CMIP: variants seen among roughly 807,000 people sequenced by gnomAD.
CMIP encodes c-Maf inducing protein.
A neutral mutation model predicts 97.3 loss-of-function variants in CMIP; 13 were observed. The ratio of observed to expected loss-of-function variants is 0.13; its 90% CI spans 0.09 to 0.21. The LOEUF (loss-of-function observed/expected upper bound fraction) is 0.21, where lower values mean the gene tolerates loss of function less well. Ranked by LOEUF, CMIP falls within the 10% of genes least tolerant of loss-of-function variation. CMIP has a pLI of 1.00. For missense variants in CMIP, 847 were observed against 1,024.9 expected (o/e 0.83, Z 2.37); for synonymous variants, 538 against 436.3 (o/e 1.23, Z -2.91).
chr16:81,640,348 T>C (rs1438786461), intron 3 of CMIP, among the ~76,000 whole-genome samples: 1 of 143,584 alleles, frequency 7.0e-6, no homozygotes, highest in Non-Finnish European at 1.5e-5. Context: ...CAGCTCCCAC[T>C]TTCTCAACCA....
In CMIP at chr16:81,685,232, C is replaced by G. The variant is rs35895536; in HGVS notation, c.1389-6543C>G. On this transcript the variant is annotated intron_variant, in intron 10 of 20. Transcript: ENST00000537098. Reference sequence around the variant, plus strand: ...CTCCCTCCTTCCCATGCACCCCTCTCGGTCTTGTGGGAGCTGCCAGGAAGC... The same window carrying G: ...CTCCCTCCTTCCCATGCACCCCTCTGGGTCTTGTGGGAGCTGCCAGGAAGC... Among the ~76,000 whole-genome samples the G allele has an allele frequency of 1.2e-3, 178 of 152,324 alleles. 1 individual carries two copies. The highest frequency in any genetic ancestry group is 2.0e-3 in the Non-Finnish European group (139 of 68,032).
chr16:81,702,426 T>C (rs1288931814), intron 16 of CMIP, among the ~76,000 whole-genome samples, 196 bp from the exon 17 acceptor site: 1 of 152,082 alleles, frequency 6.6e-6, no homozygotes, highest in Non-Finnish European at 1.5e-5. Context: ...CACTGGTGTT[T>C]CTTGGGATCA....
At chr16:81,657,851 C>G (rs917893937) in intron 5 of CMIP, 35 bp downstream of exon 5, 1 of 1,563,516 alleles carries the variant, frequency 6.4e-7, no homozygotes, top group Non-Finnish European at 8.7e-7. Flanking sequence ...CTCCACCCAC[C>G]TCCGCCTCCT....
chr16:81,537,546 C>CCAA (rs1453307752), intron 1 of CMIP, among the ~76,000 whole-genome samples: 7 of 82,064 alleles, frequency 8.5e-5, no homozygotes, highest in African/African-American at 1.8e-4. Context: ...AAAAAAAAGA[C>CCAA]AAAAAAAAAA....
At chr16:81,626,975 G>T (rs994346029) in intron 3 of CMIP, among the ~76,000 whole-genome samples, 1 of 136,448 alleles carries the variant, frequency 7.3e-6, no homozygotes, top group Non-Finnish European at 1.6e-5. Flanking sequence ...GGCATATGGG[G>T]CGACTATTTT....
chr16:81,527,313 A>G (rs1216269154), intron 1 of CMIP, among the ~76,000 whole-genome samples: 2 of 152,186 alleles, frequency 1.3e-5, no homozygotes, highest in Non-Finnish European at 2.9e-5. Context: ...AATATCATTT[A>G]TCGTCAGTAA....
In CMIP at chr16:81,667,799, A is replaced by AGAGTGTGTGTGTGT; in HGVS notation, c.826-2342_826-2341insAGTGTGTGTGTGTG. On this transcript the variant is annotated intron_variant, in intron 7 of 20. Coordinates refer to ENST00000537098, the MANE Select transcript of CMIP (RefSeq NM_198390.3). ...GAGAGAGAGAGAGAGAGAGAGAGAG[A>AGAGTGTGTGTGTGT]GTGTGTGTGTGTGTGTGTGTGTGTG... 8.8e-4 allele frequency among the ~76,000 whole-genome samples: 51 copies of AGAGTGTGTGTGTGT among 58,132 alleles called. 1 individual carries two copies. Among genetic ancestry groups the AGAGTGTGTGTGTGT allele is most frequent in the African/African-American group, 2.7e-3 (39 of 14,228 alleles). The allele number at this position is 58,132 out of a possible 152,430, so 38.1% of individuals were successfully genotyped here. A position where few individuals can be genotyped will look rare whatever the true frequency, so the allele number is the denominator to read the frequency against.
intron 1 of CMIP, among the ~76,000 whole-genome samples, chr16:81,600,583 G>A (rs932216410): frequency 6.6e-6 from 1 of 152,192 alleles, no homozygotes; most frequent in African/African-American, 2.4e-5. Context: ...TGGCGCCTGG[G>A]GATGGGGTAG....
chr16:81,465,702 G>A (rs1355441905), intron 1 of CMIP, among the ~76,000 whole-genome samples: 1 of 152,228 alleles, frequency 6.6e-6, no homozygotes, highest in Non-Finnish European at 1.5e-5. Flanking sequence ...CGACCATTTC[G>A]CCTGTGGTGG....
chr16:81,536,773 T>C (rs1467668126), intron 1 of CMIP, among the ~76,000 whole-genome samples: 1 of 151,990 alleles, frequency 6.6e-6, no homozygotes, highest in Non-Finnish European at 1.5e-5. Context: ...TCCAGTAAAA[T>C]GTTGTTATAG....
At chr16:81,535,381 AT>A (rs1269857957) in intron 1 of CMIP, among the ~76,000 whole-genome samples, 1 of 151,486 alleles carries the variant, frequency 6.6e-6, no homozygotes, top group East Asian at 1.9e-4. Context: ...ATTCCAGTGT[AT>A]TTAACCTTCT....
intron 3 of CMIP, among the ~76,000 whole-genome samples, chr16:81,635,522 C>T (rs2092222938): frequency 6.6e-6 from 1 of 152,170 alleles, no homozygotes; most frequent in South Asian, 2.1e-4. Flanking sequence ...CAGATGCAGA[C>T]ATAAGTATTA....
intron 1 of CMIP, among the ~76,000 whole-genome samples, chr16:81,449,976 C>G (rs1264717473): frequency 1.3e-5 from 2 of 152,240 alleles, no homozygotes; most frequent in African/African-American, 4.8e-5. Context: ...TGTGGCTGAG[C>G]TTTCCTGCAA....
intron 1 of CMIP, among the ~76,000 whole-genome samples, chr16:81,563,421 A>G (rs953354773): frequency 6.6e-6 from 1 of 152,230 alleles, no homozygotes; most frequent in African/African-American, 2.4e-5. Flanking sequence ...GGGAATGATG[A>G]TAATAGCAAT....
rs542202152 is a variant in CMIP, at chr16:81,614,161, G to A, written c.426+6469G>A. On this transcript the variant is annotated intron_variant, in intron 2 of 20. Coordinates refer to ENST00000537098, the MANE Select transcript of CMIP (RefSeq NM_198390.3). The surrounding 1 kb of genome is among the most constrained non-coding windows in gnomAD (Gnocchi z 5.3). ...CTGAAGTGTAAGTAGGAGTCCAGCG[G>A]GCAGCGGAGAGAAGGGGGTGACAGC... is the stretch of plus-strand genomic sequence containing the variant. Among the ~76,000 whole-genome samples the A allele has an allele frequency of 1.3e-5, 2 of 152,176 alleles. No homozygotes were observed. Among genetic ancestry groups the A allele is most frequent in the Non-Finnish European group, 2.9e-5 (2 of 68,036 alleles).
intron 1 of CMIP, among the ~76,000 whole-genome samples, chr16:81,455,145 C>G (rs910129569): frequency 1.3e-5 from 2 of 152,172 alleles, no homozygotes; most frequent in African/African-American, 4.8e-5. Flanking sequence ...TAAGGACTGG[C>G]CGGCCAGCCG....
chr16:81,654,648 C>T lies in CMIP; in HGVS notation c.639+2284C>T, dbSNP rs555184212. Among the ~76,000 whole-genome samples, 90 of 152,282 alleles carry T rather than the reference C, an allele frequency of 5.9e-4. No homozygotes were observed. The South Asian group carries it at 0.017, about 29-fold the overall frequency. On this transcript the variant is annotated intron_variant, in intron 4 of 20. Transcript: ENST00000537098. The stretch of plus-strand genomic sequence containing the variant: ...TGCTCTGCAGTGGTCAGTTTGATGG[C>T]CCTTAGACCTCCCCAGTTTCTCCCA...
intron 14 of CMIP, chr16:81,697,477 T>C (rs947297242): frequency 6.6e-6 from 1 of 152,264 alleles, no homozygotes; most frequent in African/African-American, 2.4e-5. Flanking sequence ...TACTGGTCAC[T>C]GGTGCTCCCA....
At chr16:81,474,672 C>T (rs1415073486) in intron 1 of CMIP, among the ~76,000 whole-genome samples, 1 of 152,238 alleles carries the variant, frequency 6.6e-6, no homozygotes, top group African/African-American at 2.4e-5. Context: ...AGTGGAGGAA[C>T]CACTGTCCGC....
Sources: gnomAD v4.1 joint callset for allele counts (sites outside exome capture counted in the v4.1 genomes callset) on GRCh38, gnomAD v4.1.1 for gene constraint, Gnocchi (gnomAD v3.1) non-coding constraint, MANE v1.5 for transcripts, NCBI Gene and HGNC (gene_info 2026-07-23, HGNC 2026-07-21) for gene names.